The following PCDHA6 variants were observed in gnomAD, a reference collection of about 807,000 sequenced individuals.
PCDHA6 encodes protocadherin alpha-6.
Under a neutral mutation model 60.3 loss-of-function variants are expected in PCDHA6, and 55 were observed. The ratio of observed to expected loss-of-function variants is 0.91; its 90% CI spans 0.73 to 1.14. The LOEUF (loss-of-function observed/expected upper bound fraction) is 1.14. Ranked by LOEUF, PCDHA6 falls within the 50% of genes most tolerant of loss-of-function variation. The pLI, the probability that PCDHA6 is intolerant of heterozygous loss-of-function variation, is 0.00. For missense variants in PCDHA6, 1,327 were observed against 1,256.5 expected (o/e 1.06, Z -0.85); for synonymous variants, 652 against 557.9 (o/e 1.17, Z -2.38).
intron 1 of PCDHA6, among the ~76,000 whole-genome samples, chr5:140,952,079 C>A (rs2094682960): frequency 6.6e-6 from 1 of 152,162 alleles, no homozygotes; most frequent in South Asian, 2.1e-4. Flanking sequence ...TTCATTGACT[C>A]CATGTCTCAC....
At chr5:140,924,697 C>A (rs1443260109) in intron 1 of PCDHA6, among the ~76,000 whole-genome samples, 5 of 151,946 alleles carry the variant, frequency 3.3e-5, no homozygotes, top group Admixed American at 2.6e-4. Context: ...GAGTTCGAGA[C>A]CAGCTTGTGC....
At chr5:140,903,608 C>G (rs2070424862) in intron 1 of PCDHA6, among the ~76,000 whole-genome samples, 1 of 152,124 alleles carries the variant, frequency 6.6e-6, no homozygotes, top group African/African-American at 2.4e-5. Flanking sequence ...GCTTAATACA[C>G]ATGAATGTGC....
intron 1 of PCDHA6, chr5:140,870,855 G>T: frequency 3.7e-6 from 6 of 1,613,910 alleles, no homozygotes; most frequent in East Asian, 2.2e-5. Context: ...CGCGGTCGGT[G>T]GGTGCGGGCC....
At chr5:140,893,318 T>C (rs1329749503) in intron 1 of PCDHA6, among the ~76,000 whole-genome samples, 2 of 152,170 alleles carry the variant, frequency 1.3e-5, no homozygotes, top group African/African-American at 2.4e-5. Context: ...TTTGAGGGAC[T>C]CCCATACTGT....
At chr5:140,840,458 A>C (rs1178434181) in intron 1 of PCDHA6, among the ~76,000 whole-genome samples, 1 of 152,008 alleles carries the variant, frequency 6.6e-6, no homozygotes, top group Admixed American at 6.6e-5. Context: ...GTTAAATAAA[A>C]AGTTGGGGAA....
chr5:140,966,705 G>A, intron 1 of PCDHA6: 1 of 1,379,198 alleles, frequency 7.3e-7, no homozygotes, highest in Non-Finnish European at 9.3e-7. Context: ...CGGGCGTGGG[G>A]CACGGCTGGG....
intron 1 of PCDHA6, among the ~76,000 whole-genome samples, chr5:140,939,456 T>C (rs1554212738): frequency 6.6e-6 from 1 of 152,206 alleles, no homozygotes; most frequent in Non-Finnish European, 1.5e-5. Flanking sequence ...GTGAAATTTA[T>C]AGGCCTAGAA....
At chr5:140,857,245 C>T (rs1411907706) in intron 1 of PCDHA6, 5 of 1,598,612 alleles carry the variant, frequency 3.1e-6, no homozygotes, top group Non-Finnish European at 4.3e-6. Context: ...TGGTGTCCAC[C>T]TACAAGAATT....
chr5:141,010,073 T>C lies in PCDHA6; in HGVS notation c.*136T>C. On this transcript the variant is annotated 3_prime_UTR_variant, in exon 4 of 4. Coordinates refer to ENST00000529310, the MANE Select transcript of PCDHA6 (RefSeq NM_018909.4). ...CCTCAGAAATCTGCAGAAAGTTCCC[T>C]GTGTCTGTCTAGAACGCATTTAACA... 6.2e-7 allele frequency: 1 copy of C among 1,606,602 alleles called. No individual in the cohort carries two copies. The highest frequency in any genetic ancestry group is 1.7e-5 in the Admixed American group (1 of 59,096).
rs73263815 is a variant in PCDHA6, at chr5:140,853,554, A to T, written c.2394+23069A>T. ...TCTTTTCAAGTTGTAATTACTATAT[A>T]GGAAAAACTAAGTTGTCACCCAATA... On this transcript the variant is annotated intron_variant, in intron 1 of 3. Transcript: ENST00000529310. 9,092 of 979,494 alleles carry T rather than the reference A, an allele frequency of 9.3e-3. 1,045 individuals carry two copies. In the African/African-American group the frequency reaches 0.15, roughly 16 times the overall value. The allele number at this position is 979,494 out of a possible 1,614,324, so 60.7% of individuals were successfully genotyped here.
intron 1 of PCDHA6, among the ~76,000 whole-genome samples, chr5:140,946,108 T>C (rs782062288): frequency 2.0e-5 from 3 of 151,938 alleles, no homozygotes; most frequent in Non-Finnish European, 4.4e-5. Context: ...ATACCAAATA[T>C]ATAAGGAACT....
intron 1 of PCDHA6, chr5:140,876,774 G>C: frequency 3.7e-6 from 6 of 1,614,228 alleles, no homozygotes; most frequent in Non-Finnish European, 5.1e-6. Flanking sequence ...GCTCGCCTTC[G>C]CTGTGGGCCA....
At chr5:140,835,822 G>A (rs2150245895) in intron 1 of PCDHA6, 5 of 1,612,688 alleles carry the variant, frequency 3.1e-6, no homozygotes, top group South Asian at 2.2e-5. Context: ...GTGTCGGCGG[G>A]GGACGCGGAC....
chr5:140,886,095 T>C (rs1229514130), intron 1 of PCDHA6, among the ~76,000 whole-genome samples: 2 of 152,200 alleles, frequency 1.3e-5, no homozygotes, highest in Non-Finnish European at 2.9e-5. Flanking sequence ...ATATTGACAT[T>C]GATACAGTAA....
In PCDHA6 at chr5:140,849,990, T is replaced by C. The variant is rs2150462015; in HGVS notation, c.2394+19505T>C. On this transcript the variant is annotated intron_variant, in intron 1 of 3. Coordinates refer to ENST00000529310, the MANE Select transcript of PCDHA6 (RefSeq NM_018909.4). ...GTCCTACTCGCTGGTGGAGCGGCGG[T>C]TGGGCGAGCGCTCGCTGTCGAGCTA... 88 of 1,596,734 alleles carry C rather than the reference T, an allele frequency of 5.5e-5. 7 individuals carry two copies. Among genetic ancestry groups the C allele is most frequent in the Non-Finnish European group, 6.9e-5 (80 of 1,167,720 alleles).
intron 1 of PCDHA6, chr5:140,929,209 G>C (rs553616030): frequency 1.2e-6 from 2 of 1,613,936 alleles, no homozygotes. Context: ...GCTGTTGCGT[G>C]GGGAGTACAA....
chr5:140,934,703 A>G (rs1348150058), intron 1 of PCDHA6, among the ~76,000 whole-genome samples: 1 of 152,156 alleles, frequency 6.6e-6, no homozygotes, highest in Non-Finnish European at 1.5e-5. Flanking sequence ...ATTCCTGGCC[A>G]TCTTACAAAA....
intron 1 of PCDHA6, among the ~76,000 whole-genome samples, chr5:140,921,816 G>A (rs2080411020): frequency 6.6e-6 from 1 of 151,846 alleles, no homozygotes; most frequent in Non-Finnish European, 1.5e-5. Context: ...ATACATGTGT[G>A]AATATCTATA....
At chr5:140,913,160 G>A (rs1437493261) in intron 1 of PCDHA6, among the ~76,000 whole-genome samples, 2 of 152,274 alleles carry the variant, frequency 1.3e-5, no homozygotes, top group East Asian at 3.9e-4. Flanking sequence ...AGTAGGATTG[G>A]TATTAGTTCT....
Sources: gnomAD v4.1 joint callset for allele counts (sites outside exome capture counted in the v4.1 genomes callset) on GRCh38, gnomAD v4.1.1 for gene constraint, MANE v1.5 for transcripts, NCBI Gene and HGNC (gene_info 2026-07-23, HGNC 2026-07-21) for gene names.